The following SLX4IP variants were observed in gnomAD, a reference collection of about 807,000 sequenced individuals.
SLX4IP encodes SLX4 interacting protein.
Under a neutral mutation model 32.9 loss-of-function variants are expected in SLX4IP, and 34 were observed. The observed-to-expected ratio is 1.03, with a 90% CI of 0.79 to 1.38. SLX4IP has a LOEUF of 1.38. Among genes scored for constraint, SLX4IP ranks in the 40% most tolerant of loss-of-function variants. The pLI is 0.00. For synonymous variants in SLX4IP, 172 were observed against 171.7 expected (o/e 1.00, Z -0.01); for missense variants, 444 against 479.0 (o/e 0.93, Z 0.68).
chr20:10,436,445 C>T (rs1197499749), intron 1 of SLX4IP, among the ~76,000 whole-genome samples: 3 of 152,094 alleles, frequency 2.0e-5, no homozygotes, highest in Non-Finnish European at 2.9e-5. Flanking sequence ...CCATCTCCGC[C>T]CCCCGGGTTC....
intron 5 of SLX4IP, among the ~76,000 whole-genome samples, chr20:10,600,661 G>A (rs2066830546): frequency 6.6e-6 from 1 of 152,116 alleles, no homozygotes; most frequent in Non-Finnish European, 1.5e-5. Flanking sequence ...ATCAAATTGA[G>A]ATACCTTATT....
At chr20:10,603,790 C>T (rs1270177784) in intron 6 of SLX4IP, among the ~76,000 whole-genome samples, 2 of 152,194 alleles carry the variant, frequency 1.3e-5, no homozygotes, top group African/African-American at 4.8e-5. Context: ...CAGCCCACTA[C>T]TTCCTCAGGC....
Position 10,560,684 on chromosome 20 carries a change from T to G in SLX4IP, c.118-16T>G. ...ATTAAATTTGAAGGTTATATCTAAT[T>G]TTTTATTTGCTTTAGGAAGTCTGTT... On this transcript the variant is annotated splice_polypyrimidine_tract_variant and intron_variant, in intron 3 of 7. Coordinates refer to ENST00000334534, the MANE Select transcript of SLX4IP (RefSeq NM_001009608.3). The G allele has an allele frequency of 6.5e-7, 1 of 1,535,130 alleles. No homozygotes were observed. Among genetic ancestry groups the G allele is most frequent in the South Asian group, 1.3e-5 (1 of 79,828 alleles).
intron 1 of SLX4IP, among the ~76,000 whole-genome samples, chr20:10,438,480 T>G (rs79201424): frequency 4.2e-5 from 6 of 144,500 alleles, no homozygotes; most frequent in African/African-American, 1.0e-4. Context: ...GTGTTTTTTT[T>G]TTTTTTTTTT....
chr20:10,516,711 A>AT (rs1381119403), intron 2 of SLX4IP, among the ~76,000 whole-genome samples: 1 of 152,200 alleles, frequency 6.6e-6, no homozygotes, highest in East Asian at 1.9e-4. Context: ...TGCTGCTGTG[A>AT]TTTTTTTCAG....
At chr20:10,524,440 C>T (rs777603384) in intron 2 of SLX4IP, among the ~76,000 whole-genome samples, 3 of 152,086 alleles carry the variant, frequency 2.0e-5, no homozygotes, top group East Asian at 1.9e-4. Context: ...ATGATTGTTC[C>T]GTCAGCTATG....
intron 6 of SLX4IP, chr20:10,612,742 G>A (rs960272670): frequency 6.6e-6 from 1 of 152,432 alleles, no homozygotes; most frequent in African/African-American, 2.4e-5. Flanking sequence ...ATTTCACCAT[G>A]TTAGTCAGGC....
chr20:10,586,781 G>A (rs1600131850), intron 4 of SLX4IP, among the ~76,000 whole-genome samples: 2 of 152,022 alleles, frequency 1.3e-5, no homozygotes, highest in South Asian at 4.1e-4. Context: ...GAACAACTTC[G>A]TGCCAATAAA....
chr20:10,513,512 G>A (rs2065827587), intron 2 of SLX4IP, among the ~76,000 whole-genome samples: 1 of 152,228 alleles, frequency 6.6e-6, no homozygotes, highest in Admixed American at 6.5e-5. Context: ...GAAGTCGGGG[G>A]TATTAGCTGC....
chr20:10,457,443 GTT>G (rs200528822), intron 1 of SLX4IP, among the ~76,000 whole-genome samples: 1 of 141,000 alleles, frequency 7.1e-6, no homozygotes, highest in African/African-American at 2.6e-5. Context: ...AGCATTTTGG[GTT>G]TTTTTTTTTT....
intron 4 of SLX4IP, among the ~76,000 whole-genome samples, chr20:10,566,744 A>G (rs536645698): frequency 1.3e-5 from 2 of 152,304 alleles, no homozygotes; most frequent in South Asian, 4.1e-4. Flanking sequence ...TTGTAAGACC[A>G]TTGAATTTTA....
intron 4 of SLX4IP, among the ~76,000 whole-genome samples, chr20:10,581,651 C>T (rs1282558780): frequency 2.0e-5 from 3 of 152,150 alleles, no homozygotes; most frequent in Non-Finnish European, 4.4e-5. Context: ...TGCAGTGGCT[C>T]ATGCCTGTAA....
At chr20:10,618,096 G>A (rs2067059587) in intron 6 of SLX4IP, among the ~76,000 whole-genome samples, 1 of 152,194 alleles carries the variant, frequency 6.6e-6, no homozygotes, top group Non-Finnish European at 1.5e-5. Context: ...TACAGGAATA[G>A]GGTAATATCA....
At chr20:10,477,556 C>T (rs1267375691) in intron 2 of SLX4IP, among the ~76,000 whole-genome samples, 1 of 152,104 alleles carries the variant, frequency 6.6e-6, no homozygotes. Flanking sequence ...CGTGAGCCAC[C>T]GTGCCCGGCC....
At chr20:10,524,888 G>A (rs772447343) in intron 2 of SLX4IP, among the ~76,000 whole-genome samples, 18 of 152,036 alleles carry the variant, frequency 1.2e-4, no homozygotes, top group Admixed American at 9.2e-4. Flanking sequence ...ATTTCTCCTC[G>A]TCATTTCTAC....
At chr20:10,561,338 T>C (rs2066330028) in intron 4 of SLX4IP, among the ~76,000 whole-genome samples, 1 of 152,018 alleles carries the variant, frequency 6.6e-6, no homozygotes, top group Non-Finnish European at 1.5e-5. Context: ...ACTCTAGTGG[T>C]AGTCTTATAT....
rs1453608384 is a variant in SLX4IP at position 10,556,270 on chromosome 20, C to A, written c.67C>A (p.Pro23Thr). 4 of 1,613,156 alleles carry A rather than the reference C, an allele frequency of 2.5e-6. No homozygotes were observed. Among genetic ancestry groups the A allele is most frequent in the Non-Finnish European group, 2.5e-6 (3 of 1,179,722 alleles). ...TGTCCTCGTGGATCTTCATATCTTGCCACAAGGTTCAAACAAAGATACAAG... is the reference window on the plus strand; with the variant it reads ...TGTCCTCGTGGATCTTCATATCTTGACACAAGGTTCAAACAAAGATACAAG... ...FAVLVDLHIL[P>T]QGSNKDTSWF... The change falls in exon 3 of 8, where the codon CCA (proline) becomes ACA (threonine). Residue 23 changes from proline (P) to threonine (T), a missense_variant. Physicochemically the swap from Pro to Thr is conservative, Grantham distance 38. Transcript: ENST00000334534.
intron 2 of SLX4IP, among the ~76,000 whole-genome samples, chr20:10,480,157 C>T (rs2065509341): frequency 6.6e-6 from 1 of 152,140 alleles, no homozygotes; most frequent in Non-Finnish European, 1.5e-5. Context: ...ATTTGGGGGG[C>T]TGAGGTGGGC....
chr20:10,468,650 C>T (rs1242596678), intron 2 of SLX4IP, among the ~76,000 whole-genome samples: 6 of 152,220 alleles, frequency 3.9e-5, no homozygotes, highest in Admixed American at 3.9e-4. Context: ...CCTTGGTCCA[C>T]ACCCTTCAGC....
Sources: gnomAD v4.1 joint callset for allele counts (sites outside exome capture counted in the v4.1 genomes callset) on GRCh38, gnomAD v4.1.1 for gene constraint, MANE v1.5 for transcripts, NCBI Gene and HGNC (gene_info 2026-07-23, HGNC 2026-07-21) for gene names.